Variants in BRWD1 observed in about 807,000 individuals in gnomAD.
BRWD1 encodes the protein bromodomain and WD repeat-containing protein 1.
BRWD1 carries 82 observed loss-of-function variants against 251.2 expected under a neutral mutation model. The observed-to-expected ratio is 0.33, with a 90% confidence interval of 0.27 to 0.39. BRWD1 has a LOEUF of 0.39. BRWD1 is among the 10% of genes least tolerant of loss of function. The probability of loss-of-function intolerance (pLI) is 1.00; values close to 1 mark genes in which losing one functional copy is unlikely to be tolerated. For synonymous variants in BRWD1, 918 were observed against 902.8 expected, an observed-to-expected ratio of 1.02 and a Z score of -0.30; for missense variants, 2,233 against 2,711.6, an observed-to-expected ratio of 0.82 and a Z score of 3.92.
intron 4 of BRWD1, among the ~76,000 whole-genome samples, chr21:39,310,645 C>CAGG (rs1568982261): frequency 3.3e-5 from 5 of 152,124 alleles, no homozygotes; most frequent in Non-Finnish European, 5.9e-5. Flanking sequence ...TGATATACAG[C>CAGG]GGTGCATTAC....
chr21:39,243,388 G>C (rs1303988440), intron 21 of BRWD1, among the ~76,000 whole-genome samples: 2 of 152,144 alleles, frequency 1.3e-5, no homozygotes, highest in African/African-American at 4.8e-5. Flanking sequence ...CCATTGACTG[G>C]TAAAATTTGA....
At position 39,200,213 on chromosome 21, in the gene BRWD1, T is replaced by A; in HGVS notation, c.4753+6A>T. The stretch of plus-strand genomic sequence containing the variant: ...CATTCCATAAAAGTACTACTGAGTC[T>A]CTTACCAGTTTTTCTTTGAGCAGCT... On this transcript the variant is annotated splice_donor_region_variant and intron_variant, in intron 39 of 40. Coordinates refer to ENST00000342449, the MANE Select transcript of BRWD1 (RefSeq NM_033656.4). 6.3e-7 allele frequency: 1 copy of A among 1,599,710 alleles called. No homozygotes were observed. Among genetic ancestry groups the A allele is most frequent in the Non-Finnish European group, 8.5e-7 (1 of 1,176,038 alleles).
intron 38 of BRWD1, among the ~76,000 whole-genome samples, chr21:39,201,894 T>C (rs1409665893): frequency 3.3e-5 from 5 of 152,198 alleles, no homozygotes. Context: ...AGTACAGAAA[T>C]AGATACACAC....
chr21:39,210,056 C>T lies in BRWD1; in HGVS notation c.4136G>A (p.Cys1379Tyr). The change falls in exon 36 of 41, where the codon TGC becomes TAC. Residue 1379 changes from cysteine (C) to tyrosine (Y), a missense_variant. Cys to Tyr is a radical substitution (Grantham distance 194, BLOSUM62 -2). This residue lies in a region of BRWD1 where 69 missense variants were observed against 101.6 expected (regional missense o/e 0.68). Transcript: ENST00000342449. ...GCTAAATATCAGCCGGATGTCTTTG[C>T]AAAACTCCAAAGGGCTGTCATAATT... is the stretch of plus-strand genomic sequence containing the variant. ...AGNYDSPLEF[C>Y]KDIRLIFSNA... is the part of the protein sequence containing the mutation. 2 of 1,613,584 alleles carry T rather than the reference C, an allele frequency of 1.2e-6. No individual in the cohort carries two copies. Among genetic ancestry groups the T allele is most frequent in the East Asian group, 4.5e-5 (2 of 44,808 alleles).
intron 17 of BRWD1, among the ~76,000 whole-genome samples, chr21:39,260,226 T>C (rs915714164): frequency 7.2e-5 from 11 of 152,004 alleles, no homozygotes; most frequent in Admixed American, 6.6e-4. Context: ...GATTACAACA[T>C]GATACCAAAG....
Position 39,218,510 on chromosome 21 carries a change from T to C in BRWD1, c.3533A>G (p.Asn1178Ser), listed in dbSNP as rs1349054810. ...RIISGIDQLL[N>S]LDIAAAFAGP... is the part of the protein sequence containing the mutation. ...CTAAAAAATAAAAAACTTACCAAGA[T>C]TCAAAAGTTGATCTATACCACTGAT... Residue 1178 changes from asparagine to serine, a missense_variant, in exon 30 of 41, where the codon AAT becomes AGT. This residue lies in a region of BRWD1 where 167 missense variants were observed against 183.2 expected (regional missense o/e 0.91). Transcript: ENST00000342449. 1 of 1,574,152 alleles carries C rather than the reference T, an allele frequency of 6.4e-7. No individual in the cohort carries two copies. The highest frequency in any genetic ancestry group is 2.1e-5 in the Admixed American group (1 of 47,682).
At chr21:39,249,537 G>C (rs538499420) in intron 20 of BRWD1, among the ~76,000 whole-genome samples, 2 of 152,050 alleles carry the variant, frequency 1.3e-5, no homozygotes, top group East Asian at 3.9e-4. Flanking sequence ...TTTTTAAAAG[G>C]CATGCCATTC....
At chr21:39,224,961 C>T in intron 28 of BRWD1, 125 bp downstream of exon 28, 1 of 698,628 alleles carries the variant, frequency 1.4e-6, no homozygotes, top group South Asian at 1.8e-5. Flanking sequence ...CATTTCGGGT[C>T]AGCCTGACAT....
chr21:39,286,809 C>A (rs566553049), intron 8 of BRWD1, among the ~76,000 whole-genome samples: 2 of 152,104 alleles, frequency 1.3e-5, no homozygotes, highest in Non-Finnish European at 2.9e-5. Context: ...CCACTGCGCC[C>A]GGCCCATTTT....
chr21:39,282,031 A>C (rs6517537), intron 8 of BRWD1, among the ~76,000 whole-genome samples: 140,338 of 151,466 alleles, frequency 0.93, 65,367 homozygotes, highest in African/African-American at 0.97. Flanking sequence ...TCTATGTATA[A>C]GTATATGTAT....
At chr21:39,296,435 C>A in intron 5 of BRWD1, 72 bp from the exon 6 acceptor site, 1 of 1,433,896 alleles carries the variant, frequency 7.0e-7, no homozygotes, top group South Asian at 1.7e-5. Context: ...AGAATACTTA[C>A]GTATATTGTA....
intron 34 of BRWD1, among the ~76,000 whole-genome samples, chr21:39,211,220 A>G (rs530503370): frequency 2.6e-5 from 4 of 152,088 alleles, no homozygotes; most frequent in African/African-American, 7.3e-5. Context: ...CAGGTTTATA[A>G]TATTTGTTTT....
chr21:39,213,345 A>T, intron 33 of BRWD1, 136 bp downstream of exon 33: 1 of 746,936 alleles, frequency 1.3e-6, no homozygotes, highest in South Asian at 1.6e-5. Context: ...AAAATTCAAA[A>T]ATATAATTTT....
upstream of BRWD1, among the ~76,000 whole-genome samples, chr21:39,317,622 G>C (rs575971982): frequency 6.6e-6 from 1 of 152,364 alleles, no homozygotes; most frequent in South Asian, 2.1e-4. Flanking sequence ...AATGGGACCT[G>C]AAAATTAGGA....
intron 21 of BRWD1, 68 bp downstream of exon 21, chr21:39,247,632 AT>A: frequency 6.9e-7 from 1 of 1,457,018 alleles, no homozygotes; most frequent in Non-Finnish European, 9.2e-7. Flanking sequence ...GGGTATATTC[AT>A]TCAAAGTAAA....
Position 39,298,519 on chromosome 21 carries a change from T to A in BRWD1, c.262A>T (p.Met88Leu), listed in dbSNP as rs1224013917. 6.2e-7 allele frequency: 1 copy of A among 1,611,228 alleles called. No individual in the cohort carries two copies. Among genetic ancestry groups the A allele is most frequent in the Non-Finnish European group, 8.5e-7 (1 of 1,179,242 alleles). The change falls in exon 5 of 41, where the codon ATG (methionine) becomes TTG (leucine). Residue 88 changes from methionine to leucine, a missense_variant. Around this residue, in one of 12 missense-constraint regions of BRWD1, gnomAD observed 185 missense variants for 260.6 expected, o/e 0.71. Transcript: ENST00000342449. ...CTGGGTGGAATTTCTTTATCCAACA[T>A]AGGACCGATGCGCTGGCAGATTTGC... ...LLQICQRIGP[M>L]LDKEIPPSIS...
At chr21:39,314,089 C>CG (rs981549491), upstream of BRWD1, 10 of 455,914 alleles carry the variant, frequency 2.2e-5, no homozygotes, top group Non-Finnish European at 4.4e-5. Context: ...GGTCATTTCA[C>CG]GGACCGGTCG....
chr21:39,200,449 A>C, intron 38 of BRWD1, 63 bp from the exon 39 acceptor site: 1 of 1,359,008 alleles, frequency 7.4e-7, no homozygotes, highest in Non-Finnish European at 1.0e-6. Flanking sequence ...ATAAGCAAGC[A>C]GTTCATAACA....
Position 39,198,970 on chromosome 21 carries a change from T to A in BRWD1, c.5446A>T (p.Thr1816Ser), listed in dbSNP as rs2031966257. The A allele has an allele frequency of 1.2e-6, 2 of 1,614,040 alleles. No homozygotes were observed. Among genetic ancestry groups the A allele is most frequent in the South Asian group, 2.2e-5 (2 of 91,064 alleles). Residue 1816 changes from threonine to serine, a missense_variant, in exon 40 of 41, where the codon ACC becomes TCC. By Grantham distance (58) the Thr-to-Ser change is moderately conservative. This residue lies in a region of BRWD1 where 928 missense variants were observed against 970.0 expected (regional missense o/e 0.96). Transcript: ENST00000342449. ...TCTTCTGAGTCACTCAGAATCTTGG[T>A]TTTTTTAAAGAAACTCGCATTCTTG... ...FHKNASFFKK[T>S]KILSDSEDSE... is the part of the protein sequence containing the mutation.
Sources: gnomAD v4.1 joint callset for allele counts (sites outside exome capture counted in the v4.1 genomes callset) on GRCh38, gnomAD v4.1.1 for gene constraint, gnomAD v4.1.1 regional missense constraint, MANE v1.5 for transcripts, NCBI Gene and HGNC (gene_info 2026-07-23, HGNC 2026-07-21) for gene names.